Variants in SFXN1 observed in about 807,000 individuals in gnomAD.
The protein encoded by SFXN1 is sideroflexin-1.
In SFXN1, 32 loss-of-function variants were observed where a neutral mutation model predicts 39.5. The ratio of observed to expected loss-of-function variants is 0.81; its 90% CI spans 0.61 to 1.09. SFXN1 has a LOEUF of 1.09. Ranked by LOEUF, SFXN1 falls within the 50% of genes least tolerant of loss-of-function variation. The probability of loss-of-function intolerance (pLI) is 0.00; values close to 1 mark genes in which losing one functional copy is unlikely to be tolerated. For missense variants in SFXN1, 402 were observed against 407.1 expected (o/e 0.99, Z 0.11); for synonymous variants, 136 against 146.5 (o/e 0.93, Z 0.52).
chr5:175,479,992 A>G (rs1200688048), intron 1 of SFXN1, among the ~76,000 whole-genome samples: 1 of 152,172 alleles, frequency 6.6e-6, no homozygotes, highest in Non-Finnish European at 1.5e-5. Context: ...CAGACTTGAT[A>G]TAAAAGATGA....
chr5:175,519,112 G>A (rs1760802528), intron 8 of SFXN1, among the ~76,000 whole-genome samples: 1 of 152,208 alleles, frequency 6.6e-6, no homozygotes, highest in African/African-American at 2.4e-5. Flanking sequence ...AATGCTTAGT[G>A]TCTTTAGTCG....
In SFXN1 at chr5:175,510,114, C is replaced by T. The variant is rs769920329; in HGVS notation, c.341C>T (p.Thr114Met). The T allele has an allele frequency of 3.4e-5, 54 of 1,610,806 alleles. No homozygotes were observed. Among genetic ancestry groups the T allele is most frequent in the South Asian group, 5.5e-5 (5 of 90,338 alleles). Residue 114 changes from threonine to methionine, a missense_variant, in exon 4 of 11, where the codon ACG (threonine) becomes ATG (methionine). Coordinates refer to ENST00000321442, the MANE Select transcript of SFXN1 (RefSeq NM_022754.7). ...TGCMMTFYRT[T>M]PAVLFWQWIN... ...GACGGATGCCTCTGTTTTAGGACTA[C>T]GCCGGCTGTGCTGTTCTGGCAGTGG... is the stretch of plus-strand genomic sequence containing the variant.
At chr5:175,507,632 A>G (rs924703782) in intron 2 of SFXN1, among the ~76,000 whole-genome samples, 1 of 152,174 alleles carries the variant, frequency 6.6e-6, no homozygotes, top group Non-Finnish European at 1.5e-5. Context: ...TGCTTCTTTG[A>G]TAAAGAGAAG....
chr5:175,521,968 G>A lies in SFXN1; in HGVS notation c.824G>A (p.Cys275Tyr). Residue 275 changes from cysteine to tyrosine, a missense_variant and splice_region_variant, in exon 9 of 11, where the codon TGT becomes TAT. Physicochemically the swap from Cys to Tyr is radical, Grantham distance 194. Coordinates refer to ENST00000321442, the MANE Select transcript of SFXN1 (RefSeq NM_022754.7). Reference sequence around the variant, plus strand: ...ATTCAAGTTGGGTTAGTTGGCTTCTGGTGAGTAGAAATTACTTTTACATAA... The same window carrying A: ...ATTCAAGTTGGGTTAGTTGGCTTCTAGTGAGTAGAAATTACTTTTACATAA... ...APIQVGLVGF[C>Y]LVFATPLCCA... The A allele has an allele frequency of 1.9e-6, 3 of 1,599,282 alleles. No individual in the cohort carries two copies. The highest frequency in any genetic ancestry group is 1.1e-5 in the South Asian group (1 of 88,440).
chr5:175,521,732 T>G (rs1459584307), intron 8 of SFXN1, among the ~76,000 whole-genome samples, 187 bp from the exon 9 acceptor site: 2 of 152,210 alleles, frequency 1.3e-5, no homozygotes, highest in Non-Finnish European at 2.9e-5. Context: ...GTGTGCTGAT[T>G]TACAGATCAA....
intron 1 of SFXN1, among the ~76,000 whole-genome samples, chr5:175,488,188 C>T (rs1489652878): frequency 5.3e-5 from 8 of 152,202 alleles, no homozygotes; most frequent in Non-Finnish European, 1.2e-4. Context: ...TAACCCACAT[C>T]ATCTGACTCC....
Position 175,510,123 on chromosome 5 carries a change from T to A in SFXN1, c.350T>A (p.Val117Glu). 1 of 1,612,718 alleles carries A rather than the reference T, an allele frequency of 6.2e-7. No individual in the cohort carries two copies. The highest frequency in any genetic ancestry group is 8.5e-7 in the Non-Finnish European group (1 of 1,179,396). ...CTCTGTTTTAGGACTACGCCGGCTGTGCTGTTCTGGCAGTGGATTAACCAG... is the reference window on the plus strand; with the variant it reads ...CTCTGTTTTAGGACTACGCCGGCTGAGCTGTTCTGGCAGTGGATTAACCAG... ...MMTFYRTTPA[V>E]LFWQWINQSF... The change falls in exon 4 of 11, where the codon GTG becomes GAG. Residue 117 changes from valine to glutamate, a missense_variant. Transcript: ENST00000321442.
chr5:175,501,715 G>GTAAGCATA (rs1454530726), intron 2 of SFXN1, among the ~76,000 whole-genome samples: 2 of 152,166 alleles, frequency 1.3e-5, no homozygotes, highest in Non-Finnish European at 2.9e-5. Context: ...GGAATAGCAA[G>GTAAGCATA]TAAGCATATG....
rs747460562 is a variant in SFXN1 at position 175,521,901 on chromosome 5, A to G, written c.775-18A>G. ...CCCTGTATAAAAAGTATTCAAAGCC[A>G]TTTATTTCTCAACACAGAGGTTCCC... On this transcript the variant is annotated intron_variant, in intron 8 of 10. Transcript: ENST00000321442. 1.9e-6 allele frequency: 3 copies of G among 1,588,540 alleles called. No homozygotes were observed. Among genetic ancestry groups the G allele is most frequent in the Non-Finnish European group, 2.6e-6 (3 of 1,162,538 alleles).
Position 175,485,204 on chromosome 5 carries a change from C to T in SFXN1, c.-10+6565C>T, listed in dbSNP as rs538507521. 3.9e-5 allele frequency among the ~76,000 whole-genome samples: 6 copies of T among 152,340 alleles called. No individual in the cohort carries two copies. In the East Asian group the frequency reaches 1.2e-3, roughly 29 times the overall value. On this transcript the variant is annotated intron_variant, in intron 1 of 10. Transcript: ENST00000321442. ...TATTTCTTATGCCACTATAGTACAA[C>T]TTGAAATCCCTTTTAAGTAGAGGAA...
At chr5:175,514,978 G>A (rs952552394) in intron 7 of SFXN1, among the ~76,000 whole-genome samples, 3 of 152,206 alleles carry the variant, frequency 2.0e-5, no homozygotes, top group African/African-American at 7.2e-5. Flanking sequence ...TGAAATCGAG[G>A]TTGCGGCTCC....
chr5:175,513,193 G>A (rs554598453), intron 6 of SFXN1, among the ~76,000 whole-genome samples: 1 of 151,002 alleles, frequency 6.6e-6, no homozygotes, highest in Admixed American at 6.6e-5. Context: ...CTAGCTACTC[G>A]GGAGGCTGAG....
intron 1 of SFXN1, among the ~76,000 whole-genome samples, chr5:175,486,186 GT>G (rs367575110): frequency 0.016 from 2,369 of 144,932 alleles, 46 homozygotes; most frequent in African/African-American, 0.052. Context: ...AAGGAAAAAA[GT>G]GGGGGGGCCT....
chr5:175,519,300 A>G (rs1320097502), intron 8 of SFXN1, among the ~76,000 whole-genome samples: 1 of 152,254 alleles, frequency 6.6e-6, no homozygotes, highest in Admixed American at 6.5e-5. Context: ...GCAGTTTCTT[A>G]CAAAGTTAAA....
At position 175,479,943 on chromosome 5, in the gene SFXN1, A is replaced by T. The variant is rs755716165; in HGVS notation, c.-10+1304A>T. ...GCATTGTTATAGGTGCCCAGGGAGGATGCAGGTAAATGAGGAGGCTTTGCA... is the reference window on the plus strand; with the variant it reads ...GCATTGTTATAGGTGCCCAGGGAGGTTGCAGGTAAATGAGGAGGCTTTGCA... On this transcript the variant is annotated intron_variant, in intron 1 of 10. Coordinates refer to ENST00000321442, the MANE Select transcript of SFXN1 (RefSeq NM_022754.7). Among the ~76,000 whole-genome samples, 145 of 151,976 alleles carry T rather than the reference A, an allele frequency of 9.5e-4. 1 individual carries two copies. Among genetic ancestry groups the T allele is most frequent in the Non-Finnish European group, 1.3e-3 (90 of 68,010 alleles).
intron 1 of SFXN1, among the ~76,000 whole-genome samples, chr5:175,488,484 T>G (rs1396331762): frequency 2.6e-5 from 4 of 152,128 alleles, no homozygotes; most frequent in Admixed American, 2.6e-4. Flanking sequence ...GTATTTTTAG[T>G]AGAGACAGGG....
At chr5:175,498,400 G>A (rs1057326874) in intron 2 of SFXN1, among the ~76,000 whole-genome samples, 5 of 152,174 alleles carry the variant, frequency 3.3e-5, no homozygotes, top group African/African-American at 1.2e-4. Flanking sequence ...AGAAACGGAG[G>A]TGGTAACAGA....
intron 1 of SFXN1, among the ~76,000 whole-genome samples, chr5:175,479,039 C>T (rs1483167609): frequency 1.3e-5 from 2 of 152,228 alleles, no homozygotes; most frequent in Non-Finnish European, 2.9e-5. Context: ...GGCCCAGTGC[C>T]TGGCCCAGCG....
intron 2 of SFXN1, among the ~76,000 whole-genome samples, chr5:175,505,827 C>A (rs1453872832): frequency 1.3e-5 from 2 of 152,038 alleles, no homozygotes; most frequent in Non-Finnish European, 2.9e-5. Context: ...ATTTTCTTTT[C>A]TTTTCTTTTG....
Sources: allele counts gnomAD v4.1 joint callset (sites outside exome capture counted in the v4.1 genomes callset), GRCh38; gene constraint gnomAD v4.1.1; transcripts MANE v1.5; gene names NCBI Gene and HGNC (gene_info 2026-07-23, HGNC 2026-07-21).